The following KLF12 variants were observed in gnomAD, a reference collection of about 807,000 sequenced individuals.
The protein encoded by KLF12 is KLF transcription factor 12, also known as Krueppel-like factor 12.
KLF12 carries 9 observed loss-of-function variants against 37.8 expected under a neutral mutation model. The observed-to-expected ratio is 0.24, with a 90% CI of 0.14 to 0.42. The LOEUF is 0.42. Ranked by LOEUF, KLF12 falls within the 10% of genes least tolerant of loss-of-function variation. The probability of loss-of-function intolerance (pLI) is 1.00; values close to 1 mark genes in which losing one functional copy is unlikely to be tolerated. For synonymous variants in KLF12, 208 were observed against 202.1 expected (o/e 1.03, Z -0.25); for missense variants, 411 against 516.0 (o/e 0.80, Z 1.97).
At chr13:73,991,565 GC>G (rs1316963608) in intron 2 of KLF12, among the ~76,000 whole-genome samples, 1 of 152,074 alleles carries the variant, frequency 6.6e-6, no homozygotes, top group African/African-American at 2.4e-5. Context: ...CTTGAAATAG[GC>G]AGGACAGGTG....
chr13:73,711,425 G>A (rs1048876039), intron 7 of KLF12, among the ~76,000 whole-genome samples: 6 of 152,190 alleles, frequency 3.9e-5, no homozygotes, highest in Non-Finnish European at 7.3e-5. Context: ...TCTTGTTAGG[G>A]ACTAATGGAG....
chr13:73,976,255 C>T (rs1046390112), intron 2 of KLF12, among the ~76,000 whole-genome samples: 2 of 152,096 alleles, frequency 1.3e-5, no homozygotes, highest in Admixed American at 6.5e-5. Flanking sequence ...ACTCTCAATA[C>T]ACTCTTGAAA....
chr13:74,094,170 T>A (rs1432767020), intron 1 of KLF12, among the ~76,000 whole-genome samples: 1 of 152,132 alleles, frequency 6.6e-6, no homozygotes. Context: ...TGCACAAATA[T>A]ATACAGACAC....
At chr13:73,907,894 A>T (rs1287799113) in intron 3 of KLF12, among the ~76,000 whole-genome samples, 1 of 151,944 alleles carries the variant, frequency 6.6e-6, no homozygotes, top group Non-Finnish European at 1.5e-5. Flanking sequence ...ATCATCTCCC[A>T]CATCTCTTCC....
At chr13:74,171,024 C>T in the KLF12 span, among the ~76,000 whole-genome samples, 1 of 152,160 alleles carries the variant, frequency 6.6e-6, no homozygotes, top group Non-Finnish European at 1.5e-5. Flanking sequence ...CTCTGCCTCC[C>T]AAAGTTCTGG....
intron 4 of KLF12, among the ~76,000 whole-genome samples, chr13:73,829,191 T>A (rs1884014741): frequency 6.6e-6 from 1 of 152,156 alleles, no homozygotes; most frequent in African/African-American, 2.4e-5. Context: ...TGTGTATTAA[T>A]CACATGAATA....
chr13:73,979,999 G>T (rs569514711), intron 2 of KLF12, among the ~76,000 whole-genome samples: 1 of 152,078 alleles, frequency 6.6e-6, no homozygotes, highest in Non-Finnish European at 1.5e-5. Flanking sequence ...CAGAGAGGGG[G>T]CCTCAGAAAA....
chr13:74,157,015 G>C, the KLF12 span, among the ~76,000 whole-genome samples: 1 of 152,054 alleles, frequency 6.6e-6, no homozygotes, highest in East Asian at 1.9e-4. Context: ...GTGTGTGAGG[G>C]TATGACAGTA....
intron 1 of KLF12, among the ~76,000 whole-genome samples, chr13:74,011,626 A>G (rs1405335356): frequency 2.0e-5 from 3 of 152,256 alleles, no homozygotes; most frequent in Non-Finnish European, 4.4e-5. Flanking sequence ...AATTTGCCGC[A>G]GACTAAGTAC....
In KLF12 at chr13:73,695,310, G is replaced by T; in HGVS notation, c.*180C>A. 1.7e-6 allele frequency: 1 copy of T among 603,680 alleles called. No homozygotes were observed. The highest frequency in any genetic ancestry group is 2.9e-6 in the Non-Finnish European group (1 of 347,782). 37.4% of individuals were successfully genotyped at this position (603,680 alleles called of 1,614,324 possible). ...CCCGGGTAAAGACGGTTCTCGTCTA[G>T]TCATGATGGGGGTTACCTTCAGACC... On this transcript the variant is annotated 3_prime_UTR_variant, in exon 8 of 8. Transcript: ENST00000377669.
chr13:74,187,732 T>A, the KLF12 span, among the ~76,000 whole-genome samples: 1 of 152,192 alleles, frequency 6.6e-6, no homozygotes, highest in Non-Finnish European at 1.5e-5. Context: ...CCCTGAAGGA[T>A]ACCAGGATGA....
At chr13:74,065,226 G>GTGTA (rs1566195336) in intron 1 of KLF12, among the ~76,000 whole-genome samples, 11 of 149,680 alleles carry the variant, frequency 7.3e-5, no homozygotes, top group Admixed American at 2.0e-4. Flanking sequence ...ACACACACAT[G>GTGTA]TATATATATA....
intron 1 of KLF12, among the ~76,000 whole-genome samples, chr13:74,035,458 G>A (rs1214476941): frequency 6.6e-6 from 1 of 152,156 alleles, no homozygotes; most frequent in Non-Finnish European, 1.5e-5. Flanking sequence ...GCAGGAGCTG[G>A]CATCCAAATA....
chr13:73,957,976 G>A (rs970096215), intron 2 of KLF12, among the ~76,000 whole-genome samples: 1 of 152,184 alleles, frequency 6.6e-6, no homozygotes. Context: ...GGTTTTAGAA[G>A]ACAGGAGATA....
the KLF12 span, among the ~76,000 whole-genome samples, chr13:74,285,031 C>T: frequency 6.6e-6 from 1 of 152,122 alleles, no homozygotes; most frequent in African/African-American, 2.4e-5. Flanking sequence ...TCTTTTAACT[C>T]ATCAAATTTC....
chr13:74,230,866 T>G, the KLF12 span, among the ~76,000 whole-genome samples: 1 of 152,228 alleles, frequency 6.6e-6, no homozygotes, highest in African/African-American at 2.4e-5. Context: ...ATTTTCATTC[T>G]GTTATGAGTA....
At chr13:74,200,839 G>A in the KLF12 span, among the ~76,000 whole-genome samples, 1 of 151,968 alleles carries the variant, frequency 6.6e-6, no homozygotes, top group Non-Finnish European at 1.5e-5. Context: ...AAGGTATTTG[G>A]CGTATTAGTA....
At chr13:73,715,962 T>C (rs1875772391) in intron 6 of KLF12, among the ~76,000 whole-genome samples, 1 of 152,166 alleles carries the variant, frequency 6.6e-6, no homozygotes, top group Non-Finnish European at 1.5e-5. Context: ...CTGCACTGCA[T>C]GTGACAACAT....
chr13:74,114,948 G>A (rs867157751), intron 1 of KLF12, among the ~76,000 whole-genome samples: 1 of 152,158 alleles, frequency 6.6e-6, no homozygotes, highest in Non-Finnish European at 1.5e-5. Flanking sequence ...TGTGAACTGT[G>A]CATGAGAAGG....
Sources: gnomAD v4.1 joint callset for allele counts (sites outside exome capture counted in the v4.1 genomes callset) on GRCh38, gnomAD v4.1.1 for gene constraint, MANE v1.5 for transcripts, NCBI Gene and HGNC (gene_info 2026-07-23, HGNC 2026-07-21) for gene names.